Variants in IMMP2L observed in about 807,000 individuals in gnomAD.
IMMP2L encodes the protein mitochondrial inner membrane protease subunit 2.
A neutral mutation model predicts 19.3 loss-of-function variants in IMMP2L; 18 were observed. The observed-to-expected ratio is 0.93, with a 90% CI of 0.64 to 1.38. The LOEUF is 1.38. Among genes scored for constraint, IMMP2L ranks in the 40% most tolerant of loss-of-function variants. IMMP2L has a pLI of 0.00. For missense variants in IMMP2L, 233 were observed against 218.2 expected (o/e 1.07, Z -0.43); for synonymous variants, 76 against 73.0 (o/e 1.04, Z -0.21).
chr7:111,064,075 G>A (rs1794273241), intron 3 of IMMP2L, among the ~76,000 whole-genome samples: 1 of 152,118 alleles, frequency 6.6e-6, no homozygotes, highest in Non-Finnish European at 1.5e-5. Flanking sequence ...AGACATACCT[G>A]AGGCTGGGAA....
At chr7:111,075,478 T>C (rs1336549312) in intron 3 of IMMP2L, among the ~76,000 whole-genome samples, 1 of 152,192 alleles carries the variant, frequency 6.6e-6, no homozygotes, top group Non-Finnish European at 1.5e-5. Flanking sequence ...AAATGAATAT[T>C]AGTAGTTGCC....
At chr7:111,278,513 T>C (rs1819350625) in intron 3 of IMMP2L, among the ~76,000 whole-genome samples, 1 of 152,146 alleles carries the variant, frequency 6.6e-6, no homozygotes, top group South Asian at 2.1e-4. Context: ...GAGATAACCA[T>C]TGTCAATGCT....
At chr7:111,055,182 TG>T (rs1329981316) in intron 3 of IMMP2L, among the ~76,000 whole-genome samples, 3 of 152,070 alleles carry the variant, frequency 2.0e-5, no homozygotes, top group Middle Eastern at 3.2e-3. Flanking sequence ...TCCGAGTAGC[TG>T]GAACTACAGG....
chr7:111,331,258 G>A (rs1173483857), intron 3 of IMMP2L, among the ~76,000 whole-genome samples: 2 of 151,876 alleles, frequency 1.3e-5, no homozygotes, highest in African/African-American at 2.4e-5. Context: ...TAAAAAGAAG[G>A]ATTCTGTCAT....
At chr7:111,004,490 G>A (rs953620931) in intron 3 of IMMP2L, among the ~76,000 whole-genome samples, 2 of 152,066 alleles carry the variant, frequency 1.3e-5, no homozygotes, top group Non-Finnish European at 2.9e-5. Flanking sequence ...AAGCACTTAG[G>A]TCATTGACTA....
chr7:110,875,876 G>C (rs1170726480), intron 5 of IMMP2L, among the ~76,000 whole-genome samples: 1 of 152,074 alleles, frequency 6.6e-6, no homozygotes, highest in Non-Finnish European at 1.5e-5. Context: ...TCCACAACTT[G>C]ATGAAGCCTT....
At chr7:111,204,388 C>T (rs1211383756) in intron 3 of IMMP2L, among the ~76,000 whole-genome samples, 1 of 152,050 alleles carries the variant, frequency 6.6e-6, no homozygotes, top group African/African-American at 2.4e-5. Flanking sequence ...AGCATATCAT[C>T]ACCTCTGCAA....
intron 3 of IMMP2L, among the ~76,000 whole-genome samples, chr7:111,299,611 T>C (rs915483967): frequency 6.6e-6 from 1 of 150,528 alleles, no homozygotes; most frequent in African/African-American, 2.4e-5. Flanking sequence ...ATTATCTACT[T>C]AAAAAGGACA....
At chr7:110,953,732 GGA>G (rs1490735188) in intron 4 of IMMP2L, among the ~76,000 whole-genome samples, 1 of 152,102 alleles carries the variant, frequency 6.6e-6, no homozygotes, top group African/African-American at 2.4e-5. Flanking sequence ...AGATCCTTCA[GGA>G]ATCGCCACAC....
intron 3 of IMMP2L, among the ~76,000 whole-genome samples, chr7:111,440,323 G>C (rs1177748702): frequency 2.0e-5 from 3 of 151,812 alleles, no homozygotes; most frequent in Non-Finnish European, 2.9e-5. Context: ...CCTAACAAAT[G>C]TACTTCTTAA....
In IMMP2L at chr7:111,301,921, TAAAAAAAAAAAAAAA is replaced by T. The variant is rs59156229; in HGVS notation, c.239+185302_239+185316del. 1.1e-3 allele frequency among the ~76,000 whole-genome samples: 92 copies of T among 83,158 alleles called. 1 individual carries two copies. The highest frequency in any genetic ancestry group is 3.5e-3 in the Admixed American group (20 of 5,750). 54.6% of individuals were successfully genotyped at this position (83,158 alleles called of 152,430 possible). A position where few individuals can be genotyped will look rare whatever the true frequency, so the allele number is the denominator to read the frequency against. On this transcript the variant is annotated intron_variant, in intron 3 of 5. Coordinates refer to ENST00000405709, the MANE Select transcript of IMMP2L (RefSeq NM_032549.4). The stretch of plus-strand genomic sequence containing the variant: ...ATTACGCCATGTCAGTTTCATGCTT[TAAAAAAAAAAAAAAA>T]AAAAAAAAAAAAAAACCTTAAGAAT...
chr7:111,187,516 T>C (rs567368436), intron 3 of IMMP2L, among the ~76,000 whole-genome samples: 3 of 152,266 alleles, frequency 2.0e-5, no homozygotes, highest in African/African-American at 7.2e-5. Flanking sequence ...TATATTATAG[T>C]TAGTGTCTGG....
intron 3 of IMMP2L, among the ~76,000 whole-genome samples, chr7:111,312,351 T>C (rs1440372660): frequency 6.6e-6 from 1 of 152,144 alleles, no homozygotes. Context: ...TTATCTTCCA[T>C]ATAAGAAAGC....
intron 3 of IMMP2L, among the ~76,000 whole-genome samples, chr7:111,474,014 T>C (rs775313092): frequency 1.3e-5 from 2 of 152,102 alleles, no homozygotes; most frequent in Non-Finnish European, 2.9e-5. Context: ...ACCATGTCCT[T>C]TGCAACAACA....
At chr7:111,386,044 CT>C (rs1244706836) in intron 3 of IMMP2L, among the ~76,000 whole-genome samples, 6 of 151,658 alleles carry the variant, frequency 4.0e-5, no homozygotes, top group African/African-American at 9.7e-5. Context: ...CCACTCCCAG[CT>C]AATTTTTTTT....
intron 4 of IMMP2L, among the ~76,000 whole-genome samples, chr7:110,956,848 T>C (rs1434983585): frequency 6.6e-6 from 1 of 152,018 alleles, no homozygotes; most frequent in African/African-American, 2.4e-5. Context: ...AATAAAAATG[T>C]TGATGCCTTA....
At chr7:111,470,605 C>T (rs1271530793) in intron 3 of IMMP2L, among the ~76,000 whole-genome samples, 1 of 151,286 alleles carries the variant, frequency 6.6e-6, no homozygotes, top group Non-Finnish European at 1.5e-5. Context: ...TCATCATTCT[C>T]AGTAAACTAT....
At chr7:111,513,477 C>T (rs192227764) in intron 2 of IMMP2L, among the ~76,000 whole-genome samples, 4 of 152,016 alleles carry the variant, frequency 2.6e-5, no homozygotes, top group Non-Finnish European at 5.9e-5. Flanking sequence ...TGAGAATATG[C>T]AGAAAAGAGA....
intron 5 of IMMP2L, among the ~76,000 whole-genome samples, chr7:110,676,234 G>A (rs1792287855): frequency 6.6e-6 from 1 of 152,170 alleles, no homozygotes; most frequent in African/African-American, 2.4e-5. Flanking sequence ...TCCTCTAAAG[G>A]ATCAGACAGT....
Sources: allele counts gnomAD v4.1 joint callset (sites outside exome capture counted in the v4.1 genomes callset), GRCh38; gene constraint gnomAD v4.1.1; transcripts MANE v1.5; gene names NCBI Gene and HGNC (gene_info 2026-07-23, HGNC 2026-07-21).